The following IL1RAPL1 variants were observed in gnomAD, a reference collection of about 807,000 sequenced individuals.
IL1RAPL1 encodes interleukin-1 receptor accessory protein-like 1.
Under a neutral mutation model 48.4 loss-of-function variants are expected in IL1RAPL1, and 3 were observed. The ratio of observed to expected loss-of-function variants is 0.06; its 90% CI spans 0.03 to 0.16. The LOEUF (loss-of-function observed/expected upper bound fraction) is 0.16. Among genes scored for constraint, IL1RAPL1 ranks in the 10% least tolerant of loss-of-function variants. The probability of loss-of-function intolerance (pLI) is 1.00; values close to 1 mark genes in which losing one functional copy is unlikely to be tolerated. For missense variants in IL1RAPL1, 349 were observed against 530.6 expected, an observed-to-expected ratio of 0.66 and a Z score of 3.36; for synonymous variants, 185 against 187.7, an observed-to-expected ratio of 0.99 and a Z score of 0.12.
At position 29,331,885 on chromosome X, in the gene IL1RAPL1, A is replaced by G. The variant is rs750176809; in HGVS notation, c.362+48668A>G. Among the ~76,000 whole-genome samples the G allele has an allele frequency of 4.5e-5, 5 of 110,739 alleles. No homozygotes were observed. The South Asian group carries it at 1.5e-3, about 34-fold the overall frequency. On this transcript the variant is annotated intron_variant, in intron 3 of 10. Coordinates refer to ENST00000378993, the MANE Select transcript of IL1RAPL1 (RefSeq NM_014271.4). The stretch of plus-strand genomic sequence containing the variant: ...GCAGCCTTAACTTCATCCCCAGTAA[A>G]ATGAGGATAATAATAGTACCTACCT...
At chrX:29,590,918 G>A (rs1327684691) in intron 5 of IL1RAPL1, among the ~76,000 whole-genome samples, 2 of 112,247 alleles carry the variant, frequency 1.8e-5, no homozygotes, top group South Asian at 3.7e-4. Flanking sequence ...GTGCTGTAAC[G>A]TGCCATAGCC....
chrX:28,993,026 C>T (rs942534842), intron 2 of IL1RAPL1, among the ~76,000 whole-genome samples: 2 of 111,839 alleles, frequency 1.8e-5, no homozygotes, highest in African/African-American at 6.5e-5. Flanking sequence ...ACCTCATCAT[C>T]CAAGTATTTA....
At chrX:29,937,368 C>T (rs1933050196) in intron 8 of IL1RAPL1, among the ~76,000 whole-genome samples, 1 of 112,175 alleles carries the variant, frequency 8.9e-6, no homozygotes, top group Non-Finnish European at 1.9e-5. Flanking sequence ...GCTGGGGCAA[C>T]ACCATTTACA....
rs777819024 is a variant in IL1RAPL1 at position 29,179,166 on chromosome X, A to G, written c.83-103772A>G. Among the ~76,000 whole-genome samples, 302 of 110,895 alleles carry G rather than the reference A, an allele frequency of 2.7e-3. 1 individual carries two copies. Among genetic ancestry groups the G allele is most frequent in the Non-Finnish European group, 5.0e-3 (264 of 52,928 alleles). ...TGGTAGCTTGATGGGAATGGCATTG[A>G]ATCTATAAATTACCTTGGGCAGTAT... On this transcript the variant is annotated intron_variant, in intron 2 of 10. Coordinates refer to ENST00000378993, the MANE Select transcript of IL1RAPL1 (RefSeq NM_014271.4).
At chrX:29,585,934 G>A (rs966697286) in intron 5 of IL1RAPL1, among the ~76,000 whole-genome samples, 2 of 112,009 alleles carry the variant, frequency 1.8e-5, no homozygotes, top group Non-Finnish European at 3.8e-5. Context: ...GTATTTTGGA[G>A]ATTAACTCTT....
chrX:28,634,561 C>T (rs755152699), intron 1 of IL1RAPL1, among the ~76,000 whole-genome samples: 1 of 109,095 alleles, frequency 9.2e-6, no homozygotes. Flanking sequence ...TTTATTTTCC[C>T]CAACTCCTGC....
At chrX:28,993,349 G>T (rs967841863) in intron 2 of IL1RAPL1, among the ~76,000 whole-genome samples, 1 of 111,770 alleles carries the variant, frequency 8.9e-6, no homozygotes, top group African/African-American at 3.3e-5. Flanking sequence ...TAATGCAAGC[G>T]CAATGACCGG....
chrX:29,134,393 C>A (rs1455933769), intron 2 of IL1RAPL1, among the ~76,000 whole-genome samples: 1 of 112,116 alleles, frequency 8.9e-6, no homozygotes, highest in African/African-American at 3.2e-5. Context: ...TTTACCCAAT[C>A]TAATGTGTGC....
At chrX:29,335,043 G>A (rs1222042547) in intron 3 of IL1RAPL1, among the ~76,000 whole-genome samples, 1 of 112,276 alleles carries the variant, frequency 8.9e-6, no homozygotes, top group African/African-American at 3.2e-5. Context: ...GGAGGCCGAG[G>A]CTGGCGGATC....
intron 2 of IL1RAPL1, among the ~76,000 whole-genome samples, chrX:28,861,781 C>T (rs975766169): frequency 3.6e-5 from 4 of 111,584 alleles, no homozygotes; most frequent in Non-Finnish European, 5.6e-5. Context: ...TTAGCCCTTT[C>T]CACTGTCTCA....
intron 2 of IL1RAPL1, among the ~76,000 whole-genome samples, chrX:29,167,328 C>T (rs1929805526): frequency 9.1e-6 from 1 of 109,428 alleles, no homozygotes; most frequent in Non-Finnish European, 1.9e-5. Flanking sequence ...TTCTTCCTTT[C>T]CTTCCCTCCC....
chrX:29,004,192 G>A lies in IL1RAPL1; in HGVS notation c.82+214767G>A, dbSNP rs753943472. On this transcript the variant is annotated intron_variant, in intron 2 of 10. Transcript: ENST00000378993. The stretch of plus-strand genomic sequence containing the variant: ...GAAGATACAGTTGATTTAATAAATG[G>A]TTATGATGAATGCATATTATCATAC... Among the ~76,000 whole-genome samples, 3 of 112,101 alleles carry A rather than the reference G, an allele frequency of 2.7e-5. No homozygotes were observed. The South Asian group carries it at 1.1e-3, about 41-fold the overall frequency.
rs186956473 is a variant in IL1RAPL1, at chrX:29,626,503, G to A, written c.704-41927G>A. 5.7e-3 allele frequency among the ~76,000 whole-genome samples: 636 copies of A among 111,953 alleles called. 3 individuals are homozygous for A. Among genetic ancestry groups the A allele is most frequent in the Non-Finnish European group, 9.2e-3 (489 of 53,231 alleles). ...CTGAATTAATATAAGTCCATTCTCA[G>A]GATTTTAAAGTTGGAACTAGAAAAT... On this transcript the variant is annotated intron_variant, in intron 5 of 10. Coordinates refer to ENST00000378993, the MANE Select transcript of IL1RAPL1 (RefSeq NM_014271.4).
chrX:28,815,835 T>TTATATATA (rs1426032009), intron 2 of IL1RAPL1, among the ~76,000 whole-genome samples: 1 of 27,690 alleles, frequency 3.6e-5, no homozygotes, highest in Non-Finnish European at 6.4e-5. Flanking sequence ...GTATGTGTGT[T>TTATATATA]TATGTATATA....
chrX:29,506,380 A>G (rs1303225647), intron 5 of IL1RAPL1, among the ~76,000 whole-genome samples: 3 of 108,085 alleles, frequency 2.8e-5, no homozygotes, highest in Non-Finnish European at 5.7e-5. Flanking sequence ...GTTTGCTTAA[A>G]GATTCTTTTA....
At chrX:29,267,565 C>T (rs182963008) in intron 2 of IL1RAPL1, among the ~76,000 whole-genome samples, 88 of 111,159 alleles carry the variant, frequency 7.9e-4, no homozygotes, top group East Asian at 2.6e-3. Context: ...TTCTGAGCTG[C>T]GTTGTTTTTC....
chrX:29,837,272 A>AAAAAAAAAAATATATAT (rs1447926305), intron 6 of IL1RAPL1, among the ~76,000 whole-genome samples: 3 of 72,126 alleles, frequency 4.2e-5, no homozygotes, highest in African/African-American at 1.8e-4. Flanking sequence ...AAAAAAAAAA[A>AAAAAAAAAAATATATAT]ATATATATAT....
chrX:28,593,657 AATCAT>A (rs1352862397), intron 1 of IL1RAPL1, among the ~76,000 whole-genome samples: 1 of 111,637 alleles, frequency 9.0e-6, no homozygotes, highest in African/African-American at 3.2e-5. Flanking sequence ...TGTGGATTGT[AATCAT>A]ATAATTATAG....
intron 2 of IL1RAPL1, among the ~76,000 whole-genome samples, chrX:29,238,081 A>G (rs1298815551): frequency 9.0e-6 from 1 of 111,114 alleles, no homozygotes; most frequent in East Asian, 2.8e-4. Context: ...GCAAATGCAC[A>G]GTGCACCGGA....
Sources: allele counts gnomAD v4.1 joint callset (sites outside exome capture counted in the v4.1 genomes callset), GRCh38; gene constraint gnomAD v4.1.1; transcripts MANE v1.5; gene names NCBI Gene and HGNC (gene_info 2026-07-23, HGNC 2026-07-21).